THADA: variants seen among roughly 807,000 people sequenced by gnomAD.
THADA encodes the protein tRNA (32-2'-O)-methyltransferase regulator THADA.
Under a neutral mutation model 219.8 loss-of-function variants are expected in THADA, and 213 were observed. That is an observed-to-expected ratio of 0.97 (90% CI 0.87 to 1.09). THADA has a LOEUF of 1.09. Among genes scored for constraint, THADA ranks in the 50% least tolerant of loss-of-function variants. The pLI is 0.00. For missense variants in THADA, 2,956 were observed against 2,311.3 expected (o/e 1.28, Z -5.72); for synonymous variants, 1,018 against 828.9 (o/e 1.23, Z -3.92).
intron 29 of THADA, among the ~76,000 whole-genome samples, chr2:43,396,445 C>T (rs1674048871): frequency 6.6e-6 from 1 of 152,150 alleles, no homozygotes; most frequent in South Asian, 2.1e-4. Flanking sequence ...CAAAAACTGA[C>T]TTAGCTGCTA....
chr2:43,313,850 G>A (rs1175155851), intron 31 of THADA, among the ~76,000 whole-genome samples: 2 of 152,228 alleles, frequency 1.3e-5, no homozygotes, highest in Non-Finnish European at 2.9e-5. Flanking sequence ...TCTGGCCCTG[G>A]TTGTGCCGTG....
At chr2:43,327,284 T>G (rs753689267) in intron 30 of THADA, among the ~76,000 whole-genome samples, 1 of 152,128 alleles carries the variant, frequency 6.6e-6, no homozygotes, top group Non-Finnish European at 1.5e-5. Flanking sequence ...ACTTCTGTTC[T>G]CAACCACAAT....
intron 36 of THADA, among the ~76,000 whole-genome samples, chr2:43,269,563 G>C (rs1315618970): frequency 1.3e-5 from 2 of 152,212 alleles, no homozygotes; most frequent in African/African-American, 4.8e-5. Flanking sequence ...AGGCTCTCTG[G>C]AACAGCAACT....
chr2:43,386,958 T>C (rs912770392), intron 29 of THADA, among the ~76,000 whole-genome samples: 1 of 151,908 alleles, frequency 6.6e-6, no homozygotes, highest in Non-Finnish European at 1.5e-5. Context: ...ACCCGTTAGA[T>C]TTATCCACGA....
At chr2:43,266,373 C>G (rs1671517763) in intron 36 of THADA, among the ~76,000 whole-genome samples, 1 of 152,168 alleles carries the variant, frequency 6.6e-6, no homozygotes, top group Non-Finnish European at 1.5e-5. Flanking sequence ...GGGCGGATCA[C>G]AAGGTCAGGA....
intron 29 of THADA, among the ~76,000 whole-genome samples, chr2:43,388,812 G>C (rs1354901949): frequency 6.6e-6 from 1 of 152,048 alleles, no homozygotes. Flanking sequence ...ACATCAATAG[G>C]AATCCTCATG....
At chr2:43,418,353 A>G (rs1236284542) in intron 28 of THADA, among the ~76,000 whole-genome samples, 3 of 152,194 alleles carry the variant, frequency 2.0e-5, no homozygotes, top group Non-Finnish European at 4.4e-5. Context: ...GAAGTCAGTG[A>G]TTTTTTAAAC....
chr2:43,260,656 A>G (rs1233825440), intron 36 of THADA, among the ~76,000 whole-genome samples: 1 of 152,238 alleles, frequency 6.6e-6, no homozygotes, highest in Non-Finnish European at 1.5e-5. Flanking sequence ...TAACGTATTT[A>G]GAAGACTGTG....
At chr2:43,443,916 G>A (rs1476889587) in intron 26 of THADA, among the ~76,000 whole-genome samples, 1 of 151,908 alleles carries the variant, frequency 6.6e-6, no homozygotes, top group Non-Finnish European at 1.5e-5. Context: ...TACCAACAAG[G>A]CAACCCTTGG....
chr2:43,559,203 G>C (rs1261506638), intron 16 of THADA, among the ~76,000 whole-genome samples: 1 of 152,150 alleles, frequency 6.6e-6, no homozygotes, highest in Non-Finnish European at 1.5e-5. Context: ...TTAGCAGCCT[G>C]AGCACCAGGG....
At chr2:43,280,990 G>A (rs1026592014) in intron 35 of THADA, among the ~76,000 whole-genome samples, 1 of 152,212 alleles carries the variant, frequency 6.6e-6, no homozygotes, top group Non-Finnish European at 1.5e-5. Context: ...CTCCCAGAAA[G>A]GGGTACCTCT....
At chr2:43,424,363 T>C (rs1678135989) in intron 28 of THADA, among the ~76,000 whole-genome samples, 1 of 152,194 alleles carries the variant, frequency 6.6e-6, no homozygotes, top group Non-Finnish European at 1.5e-5. Context: ...CTGAAATTTT[T>C]TTCTTTGGCC....
At chr2:43,446,551 G>C (rs961274715) in intron 26 of THADA, among the ~76,000 whole-genome samples, 5 of 152,186 alleles carry the variant, frequency 3.3e-5, no homozygotes, top group Non-Finnish European at 7.3e-5. Context: ...CCCCAGCTGA[G>C]GTCTCAGATG....
rs376733510 is a variant in THADA, at chr2:43,549,265, A to G, written c.3051T>C (p.Asp1017=). The G allele has an allele frequency of 2.3e-5, 37 of 1,594,508 alleles. No homozygotes were observed. Among genetic ancestry groups the G allele is most frequent in the Non-Finnish European group, 3.0e-5 (35 of 1,170,016 alleles). Residue 1017 remains aspartate, a synonymous_variant, in exon 20 of 38, where the codon GAT becomes GAC. Coordinates refer to ENST00000405975, the MANE Select transcript of THADA (RefSeq NM_022065.5). ...CCACACTAGCATTCAAGTCCTTCAT[A>G]TCAAAGCTATCATGTTCTTTCAATA... ...AKILKEHDSF[D]MKDLNASVVN... is the part of the protein sequence containing the mutation.
At chr2:43,367,919 C>T (rs576422814) in intron 29 of THADA, among the ~76,000 whole-genome samples, 1 of 152,212 alleles carries the variant, frequency 6.6e-6, no homozygotes, top group Non-Finnish European at 1.5e-5. Flanking sequence ...GAGATCGAGA[C>T]CATCCTGGCC....
At chr2:43,482,184 G>T (rs1686308011) in intron 26 of THADA, among the ~76,000 whole-genome samples, 1 of 152,146 alleles carries the variant, frequency 6.6e-6, no homozygotes, top group Non-Finnish European at 1.5e-5. Context: ...AGCTTTAAAA[G>T]TTAAAATGTA....
At chr2:43,410,235 T>C (rs935757099) in intron 28 of THADA, among the ~76,000 whole-genome samples, 4 of 152,210 alleles carry the variant, frequency 2.6e-5, no homozygotes, top group African/African-American at 9.6e-5. Flanking sequence ...TTAAAAAGAC[T>C]GAGCATACCA....
In THADA at chr2:43,508,739, A is replaced by G; in HGVS notation, c.3416T>C (p.Leu1139Pro). Residue 1139 changes from leucine (L) to proline (P), a missense_variant, in exon 23 of 38, where the codon CTA becomes CCA. Coordinates refer to ENST00000405975, the MANE Select transcript of THADA (RefSeq NM_022065.5). ...VSLQKLPEQW[L>P]WSVLEEIKCS... ...TTTAATTTCCTCTAAAACACTCCAT[A>G]GCCACTGTTCTGGCAGCTTTTGCAG... 1 of 1,613,788 alleles carries G rather than the reference A, an allele frequency of 6.2e-7. No homozygotes were observed. The highest frequency in any genetic ancestry group is 1.3e-5 in the African/African-American group (1 of 75,056).
intron 29 of THADA, among the ~76,000 whole-genome samples, chr2:43,353,393 A>G (rs568089451): frequency 3.0e-4 from 45 of 152,172 alleles, no homozygotes; most frequent in African/African-American, 1.1e-3. Flanking sequence ...GGCATCACAT[A>G]ATGGTTTTGA....
Sources: allele counts gnomAD v4.1 joint callset (sites outside exome capture counted in the v4.1 genomes callset), GRCh38; gene constraint gnomAD v4.1.1; transcripts MANE v1.5; gene names NCBI Gene and HGNC (gene_info 2026-07-23, HGNC 2026-07-21).